Variants in PAXBP1 observed in about 807,000 individuals in gnomAD.
PAXBP1 encodes PAX3 and PAX7 binding protein 1.
PAXBP1 carries 44 observed loss-of-function variants against 119.9 expected under a neutral mutation model. The observed-to-expected ratio is 0.37, with a 90% CI of 0.29 to 0.47. The LOEUF is 0.47. PAXBP1 is among the 20% of genes least tolerant of loss of function. PAXBP1 has a pLI of 0.99. For missense variants in PAXBP1, 898 were observed against 1,134.1 expected (o/e 0.79, Z 2.99); for synonymous variants, 393 against 406.6 (o/e 0.97, Z 0.40).
rs911285648 is a variant in PAXBP1 at position 32,771,562 on chromosome 21, G to T, written c.107C>A (p.Pro36Gln). ...GGGGCCCGCCTCTTCGCCCGTGCCC[G>T]GCGGCGGCAACAACGGCGGCGGCTC... ...EQEPPPLLPPPGTGEEAGPGG... is the reference protein window; with the variant it reads ...EQEPPPLLPPQGTGEEAGPGG... Residue 36 changes from proline (P) to glutamine (Q), a missense_variant, in exon 1 of 18, where the codon CCG (proline) becomes CAG (glutamine). Physicochemically the swap from Pro to Gln is moderately conservative, Grantham distance 76 (BLOSUM62 -1). Around this residue, in one of 2 missense-constraint regions of PAXBP1, gnomAD observed 299 missense variants for 281.4 expected, o/e 1.06. Coordinates refer to ENST00000331923, the MANE Select transcript of PAXBP1 (RefSeq NM_016631.4). 3.5e-6 allele frequency: 5 copies of T among 1,422,780 alleles called. No homozygotes were observed. The African/African-American group carries it at 7.5e-5, about 21-fold the overall frequency. 88.1% of individuals were successfully genotyped at this position (1,422,780 alleles called of 1,614,324 possible). A position where few individuals can be genotyped will look rare whatever the true frequency, so the allele number is the denominator to read the frequency against.
intron 5 of PAXBP1, among the ~76,000 whole-genome samples, chr21:32,760,636 T>C (rs1423137725): frequency 1.3e-5 from 2 of 152,162 alleles, no homozygotes; most frequent in African/African-American, 4.8e-5. Context: ...CAAACTTTAG[T>C]GTGCATCAGA....
At chr21:32,752,916 A>G (rs2043979824) in intron 8 of PAXBP1, among the ~76,000 whole-genome samples, 1 of 151,054 alleles carries the variant, frequency 6.6e-6, no homozygotes, top group Admixed American at 6.6e-5. Context: ...GCCTGACCAG[A>G]CCCTACTATT....
At chr21:32,770,948 G>C (rs2044329451) in intron 1 of PAXBP1, among the ~76,000 whole-genome samples, 1 of 152,176 alleles carries the variant, frequency 6.6e-6, no homozygotes, top group Non-Finnish European at 1.5e-5. Context: ...AAGAAGTGTG[G>C]GCGCAGTGAC....
At chr21:32,747,525 A>G (rs1358285768) in intron 11 of PAXBP1, among the ~76,000 whole-genome samples, 5 of 152,230 alleles carry the variant, frequency 3.3e-5, no homozygotes, top group Non-Finnish European at 5.9e-5. Context: ...TCTGGCCAAG[A>G]GCACACAGGA....
chr21:32,737,637 A>T (rs1428064478), intron 16 of PAXBP1, among the ~76,000 whole-genome samples: 1 of 152,248 alleles, frequency 6.6e-6, no homozygotes, highest in African/African-American at 2.4e-5. Context: ...AGCAAAAGAT[A>T]ATCTGTCCAA....
intron 15 of PAXBP1, among the ~76,000 whole-genome samples, chr21:32,740,606 T>C (rs527579964): frequency 1.3e-5 from 2 of 151,804 alleles, no homozygotes; most frequent in Non-Finnish European, 2.9e-5. Context: ...CTGAAAAGAG[T>C]CACAGACCTA....
Position 32,745,630 on chromosome 21 carries a change from A to T in PAXBP1, c.2012T>A (p.Val671Glu). ...AATGGTAGGTAGTAGGGCAACATCTACATCATCTTTTTCTTGCTCTCGTTC... is the reference window on the plus strand; with the variant it reads ...AATGGTAGGTAGTAGGGCAACATCTTCATCATCTTTTTCTTGCTCTCGTTC... ...CEEREQEKDD[V>E]DVALLPTIVE... Residue 671 changes from valine to glutamate, a missense_variant, in exon 12 of 18, where the codon GTA becomes GAA. Around this residue, in one of 2 missense-constraint regions of PAXBP1, gnomAD observed 599 missense variants for 852.7 expected, o/e 0.70. Coordinates refer to ENST00000331923, the MANE Select transcript of PAXBP1 (RefSeq NM_016631.4). The T allele has an allele frequency of 6.2e-7, 1 of 1,614,064 alleles. No individual in the cohort carries two copies. The highest frequency in any genetic ancestry group is 1.1e-5 in the South Asian group (1 of 91,078).
At chr21:32,761,578 C>T (rs573795419) in intron 4 of PAXBP1, among the ~76,000 whole-genome samples, 17 of 152,312 alleles carry the variant, frequency 1.1e-4, no homozygotes, top group Non-Finnish European at 2.5e-4. Flanking sequence ...ACACTTGTAC[C>T]CAAGAATAGT....
At chr21:32,751,376 TTTCA>T (rs1405144577) in intron 8 of PAXBP1, 158 bp from the exon 9 acceptor site, 11 of 575,564 alleles carry the variant, frequency 1.9e-5, no homozygotes, top group Non-Finnish European at 3.1e-5. Flanking sequence ...TTAGAACAAA[TTTCA>T]TTATTATTCT....
At position 32,744,918 on chromosome 21, in the gene PAXBP1, T is replaced by C; in HGVS notation, c.2069-5A>G. On this transcript the variant is annotated splice_region_variant and splice_polypyrimidine_tract_variant and intron_variant, in intron 12 of 17. Transcript: ENST00000331923. ...CCCACATATTTTCAGCTATCACTAT[T>C]AAGAAAAAAAGAGGATTGAGACACA... 6.3e-7 allele frequency: 1 copy of C among 1,595,468 alleles called. No homozygotes were observed. Among genetic ancestry groups the C allele is most frequent in the Non-Finnish European group, 8.5e-7 (1 of 1,174,964 alleles).
intron 11 of PAXBP1, 131 bp from the exon 12 acceptor site, chr21:32,745,849 T>C: frequency 1.9e-6 from 2 of 1,080,554 alleles, no homozygotes; most frequent in Non-Finnish European, 1.3e-6. Context: ...GCTGGAGATA[T>C]CATGCTACCA....
chr21:32,764,323 C>G (rs1291524376), intron 3 of PAXBP1, 25 bp downstream of exon 3: 1 of 1,609,426 alleles, frequency 6.2e-7, no homozygotes, highest in Admixed American at 1.7e-5. Flanking sequence ...TAGTTTAGTT[C>G]TGAGAAATAC....
At chr21:32,748,743 G>A in intron 10 of PAXBP1, 45 bp from the exon 11 acceptor site, 1 of 1,529,178 alleles carries the variant, frequency 6.5e-7, no homozygotes, top group East Asian at 2.3e-5. Context: ...TTAGTATGAA[G>A]TAGGAAAAAA....
chr21:32,762,801 C>T (rs1406148571), intron 3 of PAXBP1, among the ~76,000 whole-genome samples: 1 of 150,282 alleles, frequency 6.7e-6, no homozygotes, highest in African/African-American at 2.5e-5. Flanking sequence ...ATCCCAGCTA[C>T]TTGGGAGGCT....
In PAXBP1 at chr21:32,756,359, A is replaced by C. The variant is rs138689204; in HGVS notation, c.1384-1006T>G. ...ACCAAGTGTTATAGCAGCTTCCTGA[A>C]CTGAACAGACTGCAAATGGAAAATA... is the stretch of plus-strand genomic sequence containing the variant. On this transcript the variant is annotated intron_variant, in intron 7 of 17. Coordinates refer to ENST00000331923, the MANE Select transcript of PAXBP1 (RefSeq NM_016631.4). The C allele has an allele frequency of 1.2e-5, 6 of 516,132 alleles. No homozygotes were observed. In the African/African-American group the frequency reaches 1.2e-4, roughly 10 times the overall value. 32.0% of individuals were successfully genotyped at this position (516,132 alleles called of 1,614,324 possible).
intron 17 of PAXBP1, among the ~76,000 whole-genome samples, chr21:32,735,423 GA>G (rs2043679648): frequency 6.6e-6 from 1 of 152,160 alleles, no homozygotes; most frequent in East Asian, 1.9e-4. Context: ...TCCCAAACCA[GA>G]GTCCTGGCTG....
Position 32,743,021 on chromosome 21 carries a change from G to A in PAXBP1, c.2334+227C>T, listed in dbSNP as rs535907014. ...TAATTGTGGCTTAGTCAGGCATTTC[G>A]TTGAGTACGATGGACCTTACTTTGG... On this transcript the variant is annotated intron_variant, in intron 15 of 17. Transcript: ENST00000331923. 1.8e-4 allele frequency: 110 copies of A among 626,486 alleles called. No individual in the cohort carries two copies. In the East Asian group the frequency reaches 3.4e-3, roughly 19 times the overall value. The allele number at this position is 626,486 out of a possible 1,614,324, so 38.8% of individuals were successfully genotyped here. A position where few individuals can be genotyped will look rare whatever the true frequency, so the allele number is the denominator to read the frequency against.
At chr21:32,736,339 C>T (rs113821137) in intron 17 of PAXBP1, among the ~76,000 whole-genome samples, 269 of 152,210 alleles carry the variant, frequency 1.8e-3, no homozygotes, top group Middle Eastern at 6.8e-3. Context: ...TAGGCACGCA[C>T]CACCACACCC....
intron 2 of PAXBP1, 24 bp downstream of exon 2, chr21:32,769,790 G>T: frequency 1.3e-6 from 2 of 1,593,704 alleles, no homozygotes; most frequent in Non-Finnish European, 1.7e-6. Context: ...CATTTCAAAA[G>T]AATTCAATTA....
Sources: gnomAD v4.1 joint callset for allele counts (sites outside exome capture counted in the v4.1 genomes callset) on GRCh38, gnomAD v4.1.1 for gene constraint, gnomAD v4.1.1 regional missense constraint, MANE v1.5 for transcripts, NCBI Gene and HGNC (gene_info 2026-07-23, HGNC 2026-07-21) for gene names.